PC: variants seen among roughly 807,000 people sequenced by gnomAD.
PC encodes pyruvate carboxylase, mitochondrial.
A neutral mutation model predicts 107.8 loss-of-function variants in PC; 46 were observed. The observed-to-expected ratio is 0.43, with a 90% CI of 0.34 to 0.55. The LOEUF is 0.55. Ranked by LOEUF, PC falls within the 20% of genes least tolerant of loss-of-function variation. PC has a pLI of 0.04. For synonymous variants in PC, 662 were observed against 684.7 expected (o/e 0.97, Z 0.52); for missense variants, 1,241 against 1,643.1 (o/e 0.76, Z 4.23).
intron 3 of PC, among the ~76,000 whole-genome samples, chr11:66,914,464 T>C (rs1014047731): frequency 1.6e-4 from 24 of 150,700 alleles, no homozygotes; most frequent in Middle Eastern, 6.5e-3. Flanking sequence ...TGAGCCGAGA[T>C]GGCGCCACTG....
chr11:66,889,540 T>C (rs899733953), intron 3 of PC, among the ~76,000 whole-genome samples: 3 of 152,038 alleles, frequency 2.0e-5, no homozygotes, highest in African/African-American at 7.2e-5. Context: ...CCAGCTAATA[T>C]TTTTGTATTT....
At chr11:66,949,862 AT>A in intron 3 of PC, among the ~76,000 whole-genome samples, 1 of 152,250 alleles carries the variant, frequency 6.6e-6, no homozygotes, top group East Asian at 1.9e-4. Context: ...TAATTTCTGA[AT>A]AATCTTTGCA....
At chr11:66,944,348 G>T (rs1206642156) in intron 3 of PC, among the ~76,000 whole-genome samples, 2 of 115,166 alleles carry the variant, frequency 1.7e-5, no homozygotes, top group Non-Finnish European at 3.8e-5. Flanking sequence ...GGAGGCCAAG[G>T]CAGGCGGATC....
At chr11:66,913,737 C>T (rs897141571) in intron 3 of PC, among the ~76,000 whole-genome samples, 9 of 151,776 alleles carry the variant, frequency 5.9e-5, no homozygotes, top group African/African-American at 2.2e-4. Context: ...GACGACTCCA[C>T]AGAACAGCTG....
intron 11 of PC, among the ~76,000 whole-genome samples, chr11:66,865,289 C>A (rs1946443911): frequency 6.6e-6 from 1 of 152,266 alleles, no homozygotes. Flanking sequence ...TTGCTCCCCT[C>A]ACCGCCCCAC....
intron 13 of PC, 42 bp downstream of exon 13, chr11:66,853,197 G>A (rs764290888): frequency 6.1e-5 from 98 of 1,602,164 alleles, no homozygotes; most frequent in East Asian, 1.1e-4. Context: ...ATTGGAGAGC[G>A]GAGGGGAGGG....
intron 3 of PC, among the ~76,000 whole-genome samples, chr11:66,931,975 C>T (rs1425529468): frequency 2.7e-5 from 4 of 148,952 alleles, no homozygotes; most frequent in Admixed American, 6.7e-5. Flanking sequence ...GACAAGATCA[C>T]GCCACTGCAC....
At chr11:66,923,562 G>A (rs1318344397) in intron 3 of PC, among the ~76,000 whole-genome samples, 1 of 151,832 alleles carries the variant, frequency 6.6e-6, no homozygotes, top group African/African-American at 2.4e-5. Context: ...CCAGGCTGGA[G>A]CGTAGTAGTG....
intron 3 of PC, among the ~76,000 whole-genome samples, chr11:66,883,915 G>A (rs1205234857): frequency 6.6e-6 from 1 of 151,816 alleles, no homozygotes; most frequent in African/African-American, 2.4e-5. Context: ...TTGAGATCCT[G>A]TCTCTGCCAA....
chr11:66,930,720 C>T (rs942762217), intron 3 of PC, among the ~76,000 whole-genome samples: 23 of 128,940 alleles, frequency 1.8e-4, no homozygotes, highest in Non-Finnish European at 3.3e-4. Flanking sequence ...TCAGCCTGGG[C>T]GACAGAGCAA....
intron 3 of PC, among the ~76,000 whole-genome samples, chr11:66,920,997 GGC>G (rs1464733883): frequency 6.6e-6 from 1 of 151,696 alleles, no homozygotes; most frequent in Non-Finnish European, 1.5e-5. Context: ...GAGATCTCCA[GGC>G]TGGGTGGCGG....
intron 12 of PC, among the ~76,000 whole-genome samples, chr11:66,854,777 G>A (rs1050488356): frequency 6.6e-6 from 1 of 152,194 alleles, no homozygotes; most frequent in Non-Finnish European, 1.5e-5. Context: ...CAGGAAGGGT[G>A]CCTCCCCCAC....
intron 3 of PC, among the ~76,000 whole-genome samples, chr11:66,884,994 C>T (rs1234660708): frequency 6.6e-6 from 1 of 152,218 alleles, no homozygotes; most frequent in East Asian, 1.9e-4. Context: ...ACAGGACCTG[C>T]TCCCCACTCA....
rs900312274 is a variant in PC at position 66,852,093 on chromosome 11, C to G, written c.1826-147G>C. On this transcript the variant is annotated intron_variant, in intron 15 of 22. Transcript: ENST00000393960. This position sits in a 1 kb window ranked among gnomAD's most constrained non-coding sequence, Gnocchi z 4.7. ...TACCTGTGTTCCCTGCTCCAACCCC[C>G]ACAGATTTTTCCCTTGTCTGATCTC... The G allele has an allele frequency of 3.6e-6, 3 of 838,234 alleles. No individual in the cohort carries two copies. Among genetic ancestry groups the G allele is most frequent in the Non-Finnish European group, 5.7e-6 (3 of 523,916 alleles). 51.9% of individuals were successfully genotyped at this position (838,234 alleles called of 1,614,324 possible).
chr11:66,872,245 G>C, intron 3 of PC, 86 bp from the exon 4 acceptor site: 1 of 1,449,950 alleles, frequency 6.9e-7, no homozygotes, highest in Admixed American at 2.0e-5. Flanking sequence ...CAACCCCACA[G>C]TGGCCCCACA....
At chr11:66,906,726 G>T (rs141280274) in intron 3 of PC, among the ~76,000 whole-genome samples, 2 of 151,906 alleles carry the variant, frequency 1.3e-5, no homozygotes, top group Admixed American at 1.3e-4. Flanking sequence ...AGCCTGGCCC[G>T]TTTGCAGTTA....
At chr11:66,941,572 A>G (rs2136133011) in intron 3 of PC, among the ~76,000 whole-genome samples, 1 of 152,212 alleles carries the variant, frequency 6.6e-6, no homozygotes, top group African/African-American at 2.4e-5. Context: ...GCTCACTGCA[A>G]GCTCCGCCTC....
intron 3 of PC, among the ~76,000 whole-genome samples, chr11:66,872,834 G>C (rs923946652): frequency 1.5e-4 from 22 of 148,556 alleles, no homozygotes; most frequent in Non-Finnish European, 1.8e-4. Context: ...TCAGGAGTTC[G>C]AGACCAGCCT....
chr11:66,865,126 TAC>T (rs1164142773), intron 11 of PC, among the ~76,000 whole-genome samples: 1 of 152,170 alleles, frequency 6.6e-6, no homozygotes, highest in Non-Finnish European at 1.5e-5. Flanking sequence ...TGCCGCCACC[TAC>T]AGACTCTTCC....
Sources: gnomAD v4.1 joint callset for allele counts (sites outside exome capture counted in the v4.1 genomes callset) on GRCh38, gnomAD v4.1.1 for gene constraint, Gnocchi (gnomAD v3.1) non-coding constraint, MANE v1.5 for transcripts, NCBI Gene and HGNC (gene_info 2026-07-23, HGNC 2026-07-21) for gene names.